The following SNAPC3 variants were observed in gnomAD, a reference collection of about 807,000 sequenced individuals.
The protein encoded by SNAPC3 is snRNA-activating protein complex subunit 3.
Under a neutral mutation model 47.7 loss-of-function variants are expected in SNAPC3, and 56 were observed. The ratio of observed to expected loss-of-function variants is 1.18; its 90% CI spans 0.95 to 1.47. The LOEUF is 1.47. Among genes scored for constraint, SNAPC3 ranks in the 40% most tolerant of loss-of-function variants. The pLI, the probability that SNAPC3 is intolerant of heterozygous loss-of-function variation, is 0.00. For missense variants in SNAPC3, 665 were observed against 511.3 expected (o/e 1.30, Z -2.90); for synonymous variants, 235 against 189.9 (o/e 1.24, Z -1.95).
rs749161689 is a variant in SNAPC3, at chr9:15,461,012, G to A, written c.*1146G>A. On this transcript the variant is annotated 3_prime_UTR_variant, in exon 9 of 9. Transcript: ENST00000380821. ...TCTGGCTCACTTATTCTCCGGTAAT[G>A]ATACTATTGGATATATACCAAAATT... 2 of 151,742 alleles carry A rather than the reference G, an allele frequency of 1.3e-5. No individual in the cohort carries two copies. The highest frequency in any genetic ancestry group is 2.9e-5 in the Non-Finnish European group (2 of 67,980). 9.4% of individuals were successfully genotyped at this position (151,742 alleles called of 1,614,324 possible). A position where few individuals can be genotyped will look rare whatever the true frequency, so the allele number is the denominator to read the frequency against.
At chr9:15,454,413 C>T (rs1243604285) in intron 7 of SNAPC3, among the ~76,000 whole-genome samples, 1 of 152,092 alleles carries the variant, frequency 6.6e-6, no homozygotes, top group African/African-American at 2.4e-5. Context: ...ACATGGAATG[C>T]AACACAGAAT....
intron 7 of SNAPC3, among the ~76,000 whole-genome samples, chr9:15,455,348 C>T (rs997270002): frequency 6.6e-6 from 1 of 152,194 alleles, no homozygotes; most frequent in African/African-American, 2.4e-5. Flanking sequence ...GGCCAGATTA[C>T]TTGCAGTCAG....
intron 6 of SNAPC3, 78 bp downstream of exon 6, chr9:15,451,480 A>T (rs1194032520): frequency 1.7e-6 from 1 of 592,962 alleles, no homozygotes; most frequent in East Asian, 2.9e-5. Flanking sequence ...AAATCCTATT[A>T]TTGGCCTATT....
chr9:15,437,102 G>C (rs892822982), intron 3 of SNAPC3, among the ~76,000 whole-genome samples: 3 of 152,116 alleles, frequency 2.0e-5, no homozygotes, highest in African/African-American at 7.2e-5. Flanking sequence ...TGGGATTACA[G>C]ACGTGAGCCA....
At chr9:15,451,586 G>C (rs926358905) in intron 6 of SNAPC3, among the ~76,000 whole-genome samples, 184 bp downstream of exon 6, 1 of 152,124 alleles carries the variant, frequency 6.6e-6, no homozygotes, top group Non-Finnish European at 1.5e-5. Flanking sequence ...AGCCACTCCG[G>C]AGGCTGAGGC....
chr9:15,434,758 G>A (rs58972486), intron 3 of SNAPC3, among the ~76,000 whole-genome samples: 6,559 of 152,180 alleles, frequency 0.043, 465 homozygotes, highest in African/African-American at 0.15. Context: ...ATATTGTAAC[G>A]TGTATTAGAA....
intron 6 of SNAPC3, among the ~76,000 whole-genome samples, chr9:15,452,546 G>A (rs2034469013): frequency 1.3e-5 from 2 of 151,876 alleles, no homozygotes; most frequent in African/African-American, 4.8e-5. Context: ...TCGAACTCTG[G>A]ACCTCAAGCG....
intron 1 of SNAPC3, 149 bp downstream of exon 1, chr9:15,423,342 A>G: frequency 1.2e-6 from 1 of 800,302 alleles, no homozygotes; most frequent in South Asian, 2.1e-5. Context: ...AACCCGCTGG[A>G]GCCTTCCTGG....
intron 3 of SNAPC3, among the ~76,000 whole-genome samples, chr9:15,437,313 A>C (rs1433561035): frequency 6.6e-6 from 1 of 151,630 alleles, no homozygotes; most frequent in African/African-American, 2.4e-5. Context: ...GCTCACTGCA[A>C]CTTCCGCCTC....
downstream of SNAPC3, chr9:15,465,494 GTT>G (rs1563861567): frequency 6.7e-7 from 1 of 1,497,416 alleles, no homozygotes; most frequent in Non-Finnish European, 9.1e-7. Context: ...CTTCTCAAGT[GTT>G]CTCTATATTC....
intron 3 of SNAPC3, among the ~76,000 whole-genome samples, chr9:15,435,010 T>C (rs546786467): frequency 1.3e-5 from 2 of 152,338 alleles, no homozygotes; most frequent in East Asian, 1.9e-4. Context: ...ATAGCAATGA[T>C]ACCGTATTAC....
chr9:15,452,417 C>G (rs2034458012), intron 6 of SNAPC3, among the ~76,000 whole-genome samples: 1 of 150,538 alleles, frequency 6.6e-6, no homozygotes, highest in African/African-American at 2.4e-5. Flanking sequence ...CTTCCAGTTT[C>G]AAGCGATTCT....
At position 15,423,997 on chromosome 9, in the gene SNAPC3, C is replaced by A; in HGVS notation, c.392+11C>A. 6.6e-7 allele frequency: 1 copy of A among 1,509,270 alleles called. No individual in the cohort carries two copies. The highest frequency in any genetic ancestry group is 9.0e-7 in the Non-Finnish European group (1 of 1,116,310). The allele number at this position is 1,509,270 out of a possible 1,614,324, so 93.5% of individuals were successfully genotyped here. On this transcript the variant is annotated intron_variant, in intron 2 of 8. Coordinates refer to ENST00000380821, the MANE Select transcript of SNAPC3 (RefSeq NM_001039697.2). The stretch of plus-strand genomic sequence containing the variant: ...CCTGGTGACTTTGGGGTATGGAGGA[C>A]TTGGTTTTTATGACCTATTTATTTA...
chr9:15,429,586 G>T (rs1031052396), intron 2 of SNAPC3, among the ~76,000 whole-genome samples: 20 of 152,060 alleles, frequency 1.3e-4, no homozygotes, highest in African/African-American at 4.8e-4. Flanking sequence ...ATAAGAAAAT[G>T]GGTAACTCTA....
intron 3 of SNAPC3, among the ~76,000 whole-genome samples, chr9:15,437,579 T>A (rs2032942713): frequency 6.6e-6 from 1 of 151,746 alleles, no homozygotes; most frequent in Non-Finnish European, 1.5e-5. Flanking sequence ...GGTGTTAGAT[T>A]TTGTCAAATG....
At chr9:15,431,547 A>G (rs1390311418) in intron 2 of SNAPC3, among the ~76,000 whole-genome samples, 2 of 150,166 alleles carry the variant, frequency 1.3e-5, no homozygotes, top group East Asian at 4.0e-4. Context: ...ATATCTGTTT[A>G]TTTGAACAAA....
chr9:15,447,275 G>T, intron 5 of SNAPC3, 31 bp downstream of exon 5: 1 of 1,604,444 alleles, frequency 6.2e-7, no homozygotes. Flanking sequence ...AAAACAAAAG[G>T]AAATAACAAG....
chr9:15,444,915 G>T (rs1372143553), intron 4 of SNAPC3, among the ~76,000 whole-genome samples: 1 of 152,142 alleles, frequency 6.6e-6, no homozygotes, highest in Non-Finnish European at 1.5e-5. Context: ...AACACAGTGA[G>T]ACCTTGTCTC....
intron 3 of SNAPC3, 56 bp from the exon 4 acceptor site, chr9:15,444,546 C>G (rs1306187963): frequency 1.8e-6 from 2 of 1,122,618 alleles, no homozygotes; most frequent in Non-Finnish European, 2.7e-6. Context: ...TTGTACCACA[C>G]TGCATCTTAT....
Sources: gnomAD v4.1 joint callset for allele counts (sites outside exome capture counted in the v4.1 genomes callset) on GRCh38, gnomAD v4.1.1 for gene constraint, MANE v1.5 for transcripts, NCBI Gene and HGNC (gene_info 2026-07-23, HGNC 2026-07-21) for gene names.